Variants in ADAMTS13 observed in about 807,000 individuals in gnomAD.
The protein encoded by ADAMTS13 is ADAM metallopeptidase with thrombospondin type 1 motif 13.
A neutral mutation model predicts 155.1 loss-of-function variants in ADAMTS13; 110 were observed. The ratio of observed to expected loss-of-function variants is 0.71; its 90% CI spans 0.61 to 0.83. The LOEUF is 0.83. ADAMTS13 is among the 40% of genes least tolerant of loss of function. The probability of loss-of-function intolerance (pLI) is 0.00; values close to 1 mark genes in which losing one functional copy is unlikely to be tolerated. For synonymous variants in ADAMTS13, 758 were observed against 756.4 expected (o/e 1.00, Z -0.03); for missense variants, 1,707 against 1,891.7 (o/e 0.90, Z 1.81).
At chr9:133,429,822 C>T in intron 7 of ADAMTS13, 117 bp from the exon 8 acceptor site, 1 of 1,354,842 alleles carries the variant, frequency 7.4e-7, no homozygotes, top group Non-Finnish European at 1.0e-6. Flanking sequence ...ACTCCTGTTC[C>T]CACTCACAAA....
chr9:133,447,899 G>A (rs2130904493), intron 21 of ADAMTS13, among the ~76,000 whole-genome samples: 1 of 152,082 alleles, frequency 6.6e-6, no homozygotes, highest in Non-Finnish European at 1.5e-5. Context: ...TATTTCTTTT[G>A]AGGATATTCC....
chr9:133,432,438 C>A (rs1840839627), intron 8 of ADAMTS13, 150 bp from the exon 9 acceptor site: 1 of 713,448 alleles, frequency 1.4e-6, no homozygotes, highest in South Asian at 1.6e-5. Flanking sequence ...GTCAGTCATG[C>A]CTTGTCCTCT....
chr9:133,451,465 T>G (rs1842430726), intron 23 of ADAMTS13, among the ~76,000 whole-genome samples: 1 of 152,134 alleles, frequency 6.6e-6, no homozygotes, highest in African/African-American at 2.4e-5. Context: ...ACCATATTGG[T>G]CAGGCCGATC....
rs782742222 is a variant in ADAMTS13, at chr9:133,445,788, G to A, written c.2700G>A (p.Ala900=). ...AAGCTGCACACGTGTGGACCCCTGCGGCAGGGTCGTGCTCCGTCTCCTGCG... is the reference window on the plus strand; with the variant it reads ...AAGCTGCACACGTGTGGACCCCTGCAGCAGGGTCGTGCTCCGTCTCCTGCG... The part of the protein sequence containing the change: ...GAQAAHVWTP[A]AGSCSVSCGR... Residue 900 remains alanine (A), a synonymous_variant, in exon 21 of 29, where the codon GCG becomes GCA. Coordinates refer to ENST00000355699, the MANE Select transcript of ADAMTS13 (RefSeq NM_139027.6). This position sits in a 1 kb window ranked among gnomAD's most constrained non-coding sequence, Gnocchi z 5.0. 9.8e-5 allele frequency: 157 copies of A among 1,596,604 alleles called. 2 individuals are homozygous for A. The South Asian group carries it at 1.2e-3, about 12-fold the overall frequency.
At chr9:133,451,418 C>T (rs1045551294) in intron 23 of ADAMTS13, among the ~76,000 whole-genome samples, 10 of 152,192 alleles carry the variant, frequency 6.6e-5, no homozygotes, top group Non-Finnish European at 1.3e-4. Flanking sequence ...CAACCACACC[C>T]AGCTAACTTT....
intron 19 of ADAMTS13, among the ~76,000 whole-genome samples, chr9:133,444,577 G>GCTAC (rs782253871): frequency 2.0e-5 from 3 of 152,226 alleles, no homozygotes; most frequent in Admixed American, 6.5e-5. Context: ...AAAGTGCTGA[G>GCTAC]CTACCGTGCC....
At position 133,439,457 on chromosome 9, in the gene ADAMTS13, T is replaced by C. The variant is rs782166346; in HGVS notation, c.1786+11T>C. 6.2e-7 allele frequency: 1 copy of C among 1,610,538 alleles called. No individual in the cohort carries two copies. The highest frequency in any genetic ancestry group is 8.5e-7 in the Non-Finnish European group (1 of 1,176,766). On this transcript the variant is annotated intron_variant, in intron 15 of 28. Transcript: ENST00000355699. ...TCTTCACACACTTGGGTGAGTTGACTGGAGGACTCCCACCCAGTTAGCTAG... is the reference window on the plus strand; with the variant it reads ...TCTTCACACACTTGGGTGAGTTGACCGGAGGACTCCCACCCAGTTAGCTAG...
intron 28 of ADAMTS13, 125 bp downstream of exon 28, chr9:133,458,219 G>A (rs1257908127): frequency 8.6e-7 from 1 of 1,162,952 alleles, no homozygotes; most frequent in Non-Finnish European, 1.2e-6. Flanking sequence ...GAAAGAATGG[G>A]AGAAGATAGC....
intron 23 of ADAMTS13, among the ~76,000 whole-genome samples, chr9:133,450,821 T>C (rs1842393411): frequency 6.6e-6 from 1 of 152,154 alleles, no homozygotes; most frequent in Admixed American, 6.5e-5. Flanking sequence ...CTGTAAGGAA[T>C]AGGGCTACCT....
At chr9:133,449,704 G>A (rs1842308528) in intron 22 of ADAMTS13, 79 bp from the exon 23 acceptor site, 1 of 1,535,744 alleles carries the variant, frequency 6.5e-7, no homozygotes. Context: ...CTAGTCTGGG[G>A]AAATGAAGGG....
chr9:133,420,792 G>C (rs1355846630), upstream of ADAMTS13, among the ~76,000 whole-genome samples: 1 of 152,222 alleles, frequency 6.6e-6, no homozygotes, highest in Non-Finnish European at 1.5e-5. Flanking sequence ...GGCTCTTTCA[G>C]GGTTCACAAA....
upstream of ADAMTS13, among the ~76,000 whole-genome samples, chr9:133,420,891 T>A (rs1390884061): frequency 6.6e-6 from 1 of 152,350 alleles, no homozygotes; most frequent in East Asian, 1.9e-4. Flanking sequence ...ATAATGTTTC[T>A]AAGTTCTTAA....
At chr9:133,454,182 G>A (rs1470457041) in intron 23 of ADAMTS13, among the ~76,000 whole-genome samples, 2 of 152,138 alleles carry the variant, frequency 1.3e-5, no homozygotes, top group Non-Finnish European at 2.9e-5. Flanking sequence ...AGAGGGGGAT[G>A]TGCAATTAGG....
At position 133,441,138 on chromosome 9, in the gene ADAMTS13, G is replaced by A. The variant is rs1473828462; in HGVS notation, c.1968+613G>A. ...CCATGTATGTCCCCATTGGTGCTTC[G>A]CTGAGGAAGGCACGTGGAGGGTGGA... On this transcript the variant is annotated intron_variant, in intron 16 of 28. Transcript: ENST00000355699. The surrounding 1 kb of genome is among the most constrained non-coding windows in gnomAD (Gnocchi z 5.0). 1.3e-5 allele frequency among the ~76,000 whole-genome samples: 2 copies of A among 152,266 alleles called. No individual in the cohort carries two copies. Among genetic ancestry groups the A allele is most frequent in the South Asian group, 2.1e-4 (1 of 4,828 alleles).
At chr9:133,417,628 G>C (rs1554781929), upstream of ADAMTS13, 1 of 1,613,624 alleles carries the variant, frequency 6.2e-7, no homozygotes, top group Admixed American at 1.7e-5. Flanking sequence ...ACCTCTTGCA[G>C]CGCCTTCCAG....
chr9:133,429,650 C>G, intron 7 of ADAMTS13: 1 of 616,896 alleles, frequency 1.6e-6, no homozygotes, highest in Non-Finnish European at 3.0e-6. Context: ...CCCCTTCCCG[C>G]CGACCGCACC....
At chr9:133,432,174 AG>A (rs1209964350) in intron 8 of ADAMTS13, among the ~76,000 whole-genome samples, 1 of 152,166 alleles carries the variant, frequency 6.6e-6, no homozygotes, top group African/African-American at 2.4e-5. Context: ...CTGAGGTAGG[AG>A]AATTGCTTGA....
intron 11 of ADAMTS13, among the ~76,000 whole-genome samples, chr9:133,435,735 T>C (rs1476912263): frequency 1.3e-5 from 2 of 151,374 alleles, no homozygotes; most frequent in Non-Finnish European, 3.0e-5. Context: ...GGTTTCACCA[T>C]GTTAGCCGGG....
Position 133,454,703 on chromosome 9 carries a change from G to T in ADAMTS13, c.3249+84G>T, listed in dbSNP as rs1554795241. On this transcript the variant is annotated intron_variant, in intron 24 of 28. Transcript: ENST00000355699. Reference sequence around the variant, plus strand: ...CCTCATGTGTGAGGGAGTCTAGGAGGCATTGGCTCATCGTGTCCCCTGAAA... The same window carrying T: ...CCTCATGTGTGAGGGAGTCTAGGAGTCATTGGCTCATCGTGTCCCCTGAAA... 3 of 1,468,382 alleles carry T rather than the reference G, an allele frequency of 2.0e-6. No homozygotes were observed. In the East Asian group the frequency reaches 7.4e-5, roughly 36 times the overall value. The allele number at this position is 1,468,382 out of a possible 1,614,324, so 91.0% of individuals were successfully genotyped here.
Sources: gnomAD v4.1 joint callset for allele counts (sites outside exome capture counted in the v4.1 genomes callset) on GRCh38, gnomAD v4.1.1 for gene constraint, Gnocchi (gnomAD v3.1) non-coding constraint, MANE v1.5 for transcripts, NCBI Gene and HGNC (gene_info 2026-07-23, HGNC 2026-07-21) for gene names.